The following CCT5 variants were observed in gnomAD, a reference collection of about 807,000 sequenced individuals.
CCT5 encodes the protein chaperonin containing TCP1 subunit 5.
Under a neutral mutation model 55.0 loss-of-function variants are expected in CCT5, and 6 were observed. The ratio of observed to expected loss-of-function variants is 0.11; its 90% CI spans 0.06 to 0.22. The LOEUF (loss-of-function observed/expected upper bound fraction) is 0.22, where lower values mean the gene tolerates loss of function less well. Ranked by LOEUF, CCT5 falls within the 10% of genes least tolerant of loss-of-function variation. CCT5 has a pLI of 1.00. For missense variants in CCT5, 560 were observed against 694.6 expected (o/e 0.81, Z 2.18); for synonymous variants, 231 against 243.7 (o/e 0.95, Z 0.49).
rs961433002 is a variant in CCT5 at position 10,254,993 on chromosome 5, A to G, written c.331+155A>G. 1.2e-5 allele frequency: 8 copies of G among 666,446 alleles called. No homozygotes were observed. The African/African-American group carries it at 1.4e-4, about 12-fold the overall frequency. The allele number at this position is 666,446 out of a possible 1,614,324, so 41.3% of individuals were successfully genotyped here. A position where few individuals can be genotyped will look rare whatever the true frequency, so the allele number is the denominator to read the frequency against. On this transcript the variant is annotated intron_variant, in intron 3 of 10. Coordinates refer to ENST00000280326, the MANE Select transcript of CCT5 (RefSeq NM_012073.5). ...GCTACAAAACAAATGTCGGACTTTC[A>G]AAACTGACAGTGTTACAAAAGAACA...
chr5:10,253,031 G>A (rs2126496340), intron 1 of CCT5, among the ~76,000 whole-genome samples: 1 of 152,076 alleles, frequency 6.6e-6, no homozygotes, highest in East Asian at 1.9e-4. Context: ...CCTTCCTTAA[G>A]AGGGCCAGTT....
chr5:10,250,537 A>G (rs766108119), intron 1 of CCT5, 92 bp downstream of exon 1: 66 of 1,561,940 alleles, frequency 4.2e-5, no homozygotes, highest in East Asian at 1.4e-4. Flanking sequence ...CGGCTCTGCC[A>G]TGTGCTCCCC....
At chr5:10,250,603 T>G in intron 1 of CCT5, 158 bp downstream of exon 1, 2 of 1,462,432 alleles carry the variant, frequency 1.4e-6, no homozygotes, top group Non-Finnish European at 1.8e-6. Flanking sequence ...GCCCGCTTAC[T>G]GAGCTCGGGA....
chr5:10,258,397 T>G lies in CCT5; in HGVS notation c.735T>G (p.Asp245Glu), dbSNP rs747958037. The change falls in exon 6 of 11, where the codon GAT becomes GAG. Residue 245 changes from aspartate (D) to glutamate (E), a missense_variant. Physicochemically the swap from Asp to Glu is conservative, Grantham distance 45 (BLOSUM62 2). Transcript: ENST00000280326. The stretch of plus-strand genomic sequence containing the variant: ...ATGTTCCCCCATAGAAAGTGGAAGA[T>G]GCGAAGATTGCAATTCTCACATGTC... ...SHPQMPKKVE[D>E]AKIAILTCPF... The G allele has an allele frequency of 1.2e-6, 2 of 1,614,258 alleles. No individual in the cohort carries two copies. The highest frequency in any genetic ancestry group is 1.7e-6 in the Non-Finnish European group (2 of 1,180,042).
chr5:10,255,827 T>G, intron 3 of CCT5, 128 bp from the exon 4 acceptor site: 1 of 837,096 alleles, frequency 1.2e-6, no homozygotes, highest in Non-Finnish European at 2.0e-6. Context: ...GGCTTCTGCC[T>G]CTAAGATGAC....
chr5:10,257,157 GAA>G (rs975447089), intron 4 of CCT5, among the ~76,000 whole-genome samples: 1 of 152,202 alleles, frequency 6.6e-6, no homozygotes, highest in African/African-American at 2.4e-5. Flanking sequence ...AGTAGTCAGG[GAA>G]AATGCAGGAA....
intron 4 of CCT5, among the ~76,000 whole-genome samples, chr5:10,257,047 AAGC>A (rs1159573004): frequency 1.3e-5 from 2 of 152,228 alleles, no homozygotes; most frequent in African/African-American, 4.8e-5. Context: ...AATCCAGTGT[AAGC>A]TGCTTTATTA....
At position 10,264,562 on chromosome 5, in the gene CCT5, A is replaced by G. The variant is rs1579460058; in HGVS notation, c.1499-94A>G. 5 of 869,868 alleles carry G rather than the reference A, an allele frequency of 5.7e-6. No individual in the cohort carries two copies. In the East Asian group the frequency reaches 7.3e-5, roughly 13 times the overall value. The allele number at this position is 869,868 out of a possible 1,614,324, so 53.9% of individuals were successfully genotyped here. On this transcript the variant is annotated intron_variant, in intron 10 of 10. Transcript: ENST00000280326. ...TGGCTTCCAGGAGTTTGTATTTCTT[A>G]AGTCTTACTGTGATTCCCTAAATCA...
At chr5:10,261,216 G>A (rs183130816) in intron 7 of CCT5, 20 of 491,386 alleles carry the variant, frequency 4.1e-5, no homozygotes, top group Non-Finnish European at 5.9e-5. Flanking sequence ...CCCAGGCAAC[G>A]GTGCCTCGGT....
chr5:10,253,023 T>C (rs1459981889), intron 1 of CCT5, among the ~76,000 whole-genome samples: 1 of 152,148 alleles, frequency 6.6e-6, no homozygotes, highest in African/African-American at 2.4e-5. Context: ...GCTACTTACC[T>C]TCCTTAAGAG....
chr5:10,259,132 C>A (rs1281448665), intron 6 of CCT5, among the ~76,000 whole-genome samples: 1 of 152,212 alleles, frequency 6.6e-6, no homozygotes, highest in Non-Finnish European at 1.5e-5. Flanking sequence ...TCTGACTATA[C>A]CTTTTAGGCA....
Position 10,260,672 on chromosome 5 carries a change from T to G in CCT5, c.874-120T>G, listed in dbSNP as rs935068948. The G allele has an allele frequency of 2.9e-6, 3 of 1,018,860 alleles. No individual in the cohort carries two copies. The African/African-American group carries it at 4.7e-5, about 16-fold the overall frequency. 63.1% of individuals were successfully genotyped at this position (1,018,860 alleles called of 1,614,324 possible). A position where few individuals can be genotyped will look rare whatever the true frequency, so the allele number is the denominator to read the frequency against. ...TCTATTTCCTTCCTTCTCTTTCCTT[T>G]GCTTTTGTGTTTGAGTGCACCTGCC... On this transcript the variant is annotated intron_variant, in intron 6 of 10. Transcript: ENST00000280326.
chr5:10,251,209 A>G (rs976052964), intron 1 of CCT5, among the ~76,000 whole-genome samples: 1 of 152,220 alleles, frequency 6.6e-6, no homozygotes, highest in Non-Finnish European at 1.5e-5. Context: ...TAGTTCCCGA[A>G]GGTGGAAGCT....
intron 10 of CCT5, among the ~76,000 whole-genome samples, chr5:10,264,122 A>AAT (rs397710027): frequency 6.7e-6 from 1 of 149,928 alleles, no homozygotes; most frequent in Non-Finnish European, 1.5e-5. Flanking sequence ...AAAATACAAA[A>AAT]TTAGCCAGGC....
intron 6 of CCT5, among the ~76,000 whole-genome samples, 177 bp downstream of exon 6, chr5:10,258,712 G>A (rs1056308341): frequency 4.6e-5 from 7 of 152,318 alleles, no homozygotes; most frequent in African/African-American, 7.2e-5. Context: ...AAATGGTAGC[G>A]TGTTCAGGCC....
intron 6 of CCT5, among the ~76,000 whole-genome samples, chr5:10,259,701 T>C (rs943941604): frequency 5.3e-5 from 8 of 152,116 alleles, no homozygotes; most frequent in Admixed American, 4.6e-4. Flanking sequence ...GCCTCAGGGA[T>C]TGAAGCATGC....
intron 2 of CCT5, 76 bp from the exon 3 acceptor site, chr5:10,254,598 C>A: frequency 8.1e-7 from 1 of 1,240,610 alleles, no homozygotes; most frequent in Non-Finnish European, 1.2e-6. Context: ...AGAGCTGGGT[C>A]AGGAGGTCTT....
At chr5:10,262,426 C>G in intron 8 of CCT5, 55 bp from the exon 9 acceptor site, 1 of 1,604,740 alleles carries the variant, frequency 6.2e-7, no homozygotes, top group Non-Finnish European at 8.5e-7. Flanking sequence ...AGATACTTGG[C>G]TCTAAATTGA....
chr5:10,250,432 T>C lies in CCT5; in HGVS notation c.92T>C (p.Leu31Pro), dbSNP rs752348970. 3.7e-6 allele frequency: 6 copies of C among 1,613,456 alleles called. No individual in the cohort carries two copies. The highest frequency in any genetic ancestry group is 5.1e-6 in the Non-Finnish European group (6 of 1,180,022). The change falls in exon 1 of 11, where the codon CTT becomes CCT. Residue 31 changes from leucine to proline, a missense_variant. Physicochemically the swap from Leu to Pro is moderately conservative, Grantham distance 98 (BLOSUM62 -3). Around this residue, in one of 4 missense-constraint regions of CCT5, gnomAD observed 137 missense variants for 181.9 expected, o/e 0.75. Transcript: ENST00000280326. ...DQDRKSRLMG[L>P]EALKSHIMAA... ...GACCGCAAGTCCCGTCTTATGGGAC[T>C]TGAGGCCCTCAAGGTAATGGCACAG... is the stretch of plus-strand genomic sequence containing the variant.
Sources: allele counts gnomAD v4.1 joint callset (sites outside exome capture counted in the v4.1 genomes callset), GRCh38; gene constraint gnomAD v4.1.1; regional missense constraint gnomAD v4.1.1; transcripts MANE v1.5; gene names NCBI Gene and HGNC (gene_info 2026-07-23, HGNC 2026-07-21).